The following EIF4G3 variants were observed in gnomAD, a reference collection of about 807,000 sequenced individuals.
EIF4G3 encodes eIF-4-gamma 3.
EIF4G3 carries 34 observed loss-of-function variants against 186.4 expected under a neutral mutation model. The ratio of observed to expected loss-of-function variants is 0.18; its 90% CI spans 0.14 to 0.24. The LOEUF is 0.24. EIF4G3 is among the 10% of genes least tolerant of loss of function. The probability of loss-of-function intolerance (pLI) is 1.00; values close to 1 mark genes in which losing one functional copy is unlikely to be tolerated. For synonymous variants in EIF4G3, 673 were observed against 679.5 expected (o/e 0.99, Z 0.15); for missense variants, 1,536 against 1,948.5 (o/e 0.79, Z 3.99).
intron 2 of EIF4G3, among the ~76,000 whole-genome samples, chr1:21,155,202 G>A (rs1467307647): frequency 1.5e-5 from 2 of 137,562 alleles, no homozygotes; most frequent in Admixed American, 1.6e-4. Context: ...GGCGGAGGTT[G>A]CAGTGAGCCA....
At chr1:21,036,274 C>A (rs1345921481) in intron 4 of EIF4G3, among the ~76,000 whole-genome samples, 1 of 152,174 alleles carries the variant, frequency 6.6e-6, no homozygotes, top group Non-Finnish European at 1.5e-5. Context: ...CAGAGAGGAA[C>A]TGCCCACTGC....
At chr1:20,998,559 T>C (rs2082803351) in intron 6 of EIF4G3, among the ~76,000 whole-genome samples, 1 of 152,022 alleles carries the variant, frequency 6.6e-6, no homozygotes, top group Non-Finnish European at 1.5e-5. Flanking sequence ...AAATAAAAAG[T>C]TTTTTCACCT....
chr1:20,970,603 A>G (rs1055415324), intron 11 of EIF4G3, among the ~76,000 whole-genome samples: 1 of 146,408 alleles, frequency 6.8e-6, no homozygotes, highest in Non-Finnish European at 1.5e-5. Flanking sequence ...ACAGGGCAAG[A>G]CTCCATTTAA....
At position 20,813,162 on chromosome 1, in the gene EIF4G3, A is replaced by G. The variant is rs2059603728; in HGVS notation, c.4593T>C (p.Ile1531=). The G allele has an allele frequency of 1.2e-6, 2 of 1,608,432 alleles. No individual in the cohort carries two copies. Among genetic ancestry groups the G allele is most frequent in the East Asian group, 4.5e-5 (2 of 44,864 alleles). The change falls in exon 35 of 37, where the codon ATT becomes ATC. Residue 1531 remains isoleucine, a synonymous_variant. Transcript: ENST00000602326. The part of the protein sequence containing the change: ...ALMTAVCKAA[I]IADSSTFRVD... ...GCCTTCAGAAATGTTACTTACCTATAATAGCTGCTTTACAAACAGCAGTCA... is the reference window on the plus strand; with the variant it reads ...GCCTTCAGAAATGTTACTTACCTATGATAGCTGCTTTACAAACAGCAGTCA...
At chr1:21,058,297 C>T (rs959628137) in intron 3 of EIF4G3, among the ~76,000 whole-genome samples, 5 of 152,084 alleles carry the variant, frequency 3.3e-5, no homozygotes, top group African/African-American at 9.7e-5. Context: ...TACTGAGATA[C>T]TCTCCTGTAG....
intron 15 of EIF4G3, among the ~76,000 whole-genome samples, chr1:20,902,040 C>T (rs1361656847): frequency 6.6e-6 from 1 of 151,802 alleles, no homozygotes; most frequent in Admixed American, 6.6e-5. Context: ...TGAAATCATC[C>T]TTCATCCTTA....
At chr1:20,968,874 C>G (rs2154565423) in intron 12 of EIF4G3, among the ~76,000 whole-genome samples, 1 of 152,232 alleles carries the variant, frequency 6.6e-6, no homozygotes, top group South Asian at 2.1e-4. Context: ...TGAACTTGAA[C>G]AACCACGAAT....
chr1:21,069,766 G>A (rs910235340), intron 3 of EIF4G3, among the ~76,000 whole-genome samples: 13 of 152,140 alleles, frequency 8.5e-5, no homozygotes, highest in East Asian at 1.9e-4. Flanking sequence ...AATTTTTACC[G>A]GGGGAGAGGA....
At chr1:21,097,018 C>T (rs1281305083) in intron 2 of EIF4G3, among the ~76,000 whole-genome samples, 2 of 151,940 alleles carry the variant, frequency 1.3e-5, no homozygotes. Context: ...GAACTGTACA[C>T]CGAAAAATGA....
At chr1:21,154,817 T>C (rs2097612730) in intron 2 of EIF4G3, among the ~76,000 whole-genome samples, 1 of 152,242 alleles carries the variant, frequency 6.6e-6, no homozygotes, top group Non-Finnish European at 1.5e-5. Context: ...AAAGATGTCC[T>C]ACATTTTGAT....
intron 3 of EIF4G3, among the ~76,000 whole-genome samples, chr1:21,069,205 A>C (rs1327027099): frequency 6.6e-6 from 1 of 152,136 alleles, no homozygotes; most frequent in African/African-American, 2.4e-5. Flanking sequence ...CTTGCTGCCC[A>C]CCTACATTTT....
intron 3 of EIF4G3, among the ~76,000 whole-genome samples, chr1:21,075,888 C>T (rs1024754304): frequency 1.3e-5 from 2 of 152,074 alleles, no homozygotes; most frequent in Non-Finnish European, 2.9e-5. Context: ...TAGTTGGGGA[C>T]TTGAACTATT....
chr1:20,841,072 T>G, intron 29 of EIF4G3, 44 bp from the exon 30 acceptor site: 1 of 1,594,326 alleles, frequency 6.3e-7, no homozygotes, highest in Non-Finnish European at 8.6e-7. Flanking sequence ...ATCTGAATAG[T>G]GTTACCAGAA....
intron 11 of EIF4G3, among the ~76,000 whole-genome samples, chr1:20,971,692 G>A (rs772796954): frequency 9.9e-5 from 15 of 152,194 alleles, no homozygotes; most frequent in Admixed American, 2.0e-4. Flanking sequence ...AGGCTGGAGT[G>A]CAGTGGCACG....
intron 35 of EIF4G3, 74 bp downstream of exon 35, chr1:20,813,084 T>C: frequency 1.9e-6 from 2 of 1,046,834 alleles, no homozygotes; most frequent in Non-Finnish European, 2.9e-6. Flanking sequence ...CAATGTAAAA[T>C]CAAACTGTAT....
At chr1:20,822,522 T>C (rs886188871) in intron 33 of EIF4G3, among the ~76,000 whole-genome samples, 20 of 151,628 alleles carry the variant, frequency 1.3e-4, no homozygotes, top group Non-Finnish European at 2.2e-4. Flanking sequence ...TGATTTCTGA[T>C]ATAATGTTTA....
chr1:21,053,997 C>G (rs948642137), intron 3 of EIF4G3, among the ~76,000 whole-genome samples: 168 of 151,792 alleles, frequency 1.1e-3, no homozygotes, highest in African/African-American at 3.8e-3. Context: ...GAACGGGCCA[C>G]GATGACAATG....
chr1:21,109,324 T>C (rs1386234611), intron 2 of EIF4G3, among the ~76,000 whole-genome samples: 1 of 152,226 alleles, frequency 6.6e-6, no homozygotes, highest in African/African-American at 2.4e-5. Flanking sequence ...GGATCTGAGA[T>C]AGCTTACAAA....
chr1:21,071,670 G>A (rs866922511), intron 3 of EIF4G3, among the ~76,000 whole-genome samples: 2 of 151,822 alleles, frequency 1.3e-5, no homozygotes, highest in South Asian at 2.1e-4. Context: ...GCCAGGCATG[G>A]TGGTGCGAGC....
Sources: allele counts gnomAD v4.1 joint callset (sites outside exome capture counted in the v4.1 genomes callset), GRCh38; gene constraint gnomAD v4.1.1; transcripts MANE v1.5; gene names NCBI Gene and HGNC (gene_info 2026-07-23, HGNC 2026-07-21).